The following RFX7 variants were observed in gnomAD, a reference collection of about 807,000 sequenced individuals.
RFX7 encodes DNA-binding protein RFX7.
A neutral mutation model predicts 111.8 loss-of-function variants in RFX7; 26 were observed. That is an observed-to-expected ratio of 0.23 (90% confidence interval 0.17 to 0.32). The LOEUF (loss-of-function observed/expected upper bound fraction) is 0.32. RFX7 is among the 10% of genes least tolerant of loss of function. The pLI is 1.00. For synonymous variants in RFX7, 624 were observed against 624.4 expected (o/e 1.00, Z 0.01); for missense variants, 1,573 against 1,772.9 (o/e 0.89, Z 2.02).
At position 56,139,409 on chromosome 15, in the gene RFX7, G is replaced by A. The variant is rs184715407; in HGVS notation, c.401+3369C>T. ...ACTCTTTCTTCCAGTTGATCGCATC[G>A]GCTCCTGAGGCTTCTGCATTCTTCA... On this transcript the variant is annotated intron_variant, in intron 5 of 9. Transcript: ENST00000559447. Among the ~76,000 whole-genome samples, 303 of 152,096 alleles carry A rather than the reference G, an allele frequency of 2.0e-3. 2 individuals carry two copies. Among genetic ancestry groups the A allele is most frequent in the African/African-American group, 6.2e-3 (255 of 41,452 alleles).
chr15:56,220,100 G>A (rs1389442173), intron 2 of RFX7, among the ~76,000 whole-genome samples: 2 of 151,982 alleles, frequency 1.3e-5, no homozygotes, highest in Non-Finnish European at 2.9e-5. Flanking sequence ...CTGACTAGAT[G>A]GTTTTGATTT....
intron 5 of RFX7, among the ~76,000 whole-genome samples, chr15:56,131,796 A>C (rs1414122287): frequency 6.6e-6 from 1 of 152,196 alleles, no homozygotes; most frequent in Admixed American, 6.5e-5. Context: ...AAGTCTATTA[A>C]ATGTAATAAC....
intron 5 of RFX7, among the ~76,000 whole-genome samples, chr15:56,104,157 A>G (rs756245046): frequency 1.3e-5 from 2 of 152,210 alleles, no homozygotes; most frequent in Admixed American, 6.5e-5. Flanking sequence ...CATTTTACTG[A>G]TAAGAGAAAA....
chr15:56,230,554 A>G (rs2043541381), intron 2 of RFX7, among the ~76,000 whole-genome samples: 1 of 152,270 alleles, frequency 6.6e-6, no homozygotes, highest in Non-Finnish European at 1.5e-5. Flanking sequence ...GCCTCTAAGA[A>G]TGCAGTAAAC....
At chr15:56,150,819 A>C (rs2042559172) in intron 3 of RFX7, among the ~76,000 whole-genome samples, 1 of 152,184 alleles carries the variant, frequency 6.6e-6, no homozygotes, top group South Asian at 2.1e-4. Context: ...AATAACCTTG[A>C]AAAAAGGTTA....
intron 2 of RFX7, among the ~76,000 whole-genome samples, chr15:56,219,131 A>C (rs1439646623): frequency 6.6e-6 from 1 of 152,196 alleles, no homozygotes; most frequent in Non-Finnish European, 1.5e-5. Flanking sequence ...CCTTTAGTTA[A>C]ATCAGTTCTT....
At chr15:56,153,213 G>C (rs542327226) in intron 3 of RFX7, among the ~76,000 whole-genome samples, 59 of 152,296 alleles carry the variant, frequency 3.9e-4, no homozygotes, top group Middle Eastern at 6.8e-3. Flanking sequence ...CATTTTATGA[G>C]GCCAGCATCA....
Position 56,234,345 on chromosome 15 carries a change from G to A in RFX7, c.161+8780C>T, listed in dbSNP as rs573872215. Among the ~76,000 whole-genome samples the A allele has an allele frequency of 7.9e-5, 12 of 152,158 alleles. No homozygotes were observed. In the South Asian group the frequency reaches 2.5e-3, roughly 32 times the overall value. On this transcript the variant is annotated intron_variant, in intron 2 of 9. Transcript: ENST00000559447. ...TTAAAACAAATGTGTACTGAATTCA[G>A]TTTTCCCTGACTACATGATTCTATA... is the stretch of plus-strand genomic sequence containing the variant.
chr15:56,237,232 C>T (rs1347068548), intron 2 of RFX7, among the ~76,000 whole-genome samples: 4 of 152,150 alleles, frequency 2.6e-5, no homozygotes, highest in Non-Finnish European at 5.9e-5. Context: ...CAGTGCATTA[C>T]CTTGACACTT....
chr15:56,222,514 ACTTGTTCATTTCTTTTTC>A (rs1243165764), intron 2 of RFX7, among the ~76,000 whole-genome samples: 13 of 152,018 alleles, frequency 8.6e-5, no homozygotes, highest in African/African-American at 3.1e-4. Flanking sequence ...AGTCACAGAG[ACTTGTTCATTTCTTTTTC>A]CTCTCCTTTT....
intron 3 of RFX7, among the ~76,000 whole-genome samples, chr15:56,160,452 C>T (rs1400685270): frequency 6.6e-6 from 1 of 151,466 alleles, no homozygotes; most frequent in South Asian, 2.1e-4. Flanking sequence ...GTTGAGTTAC[C>T]ATATATGGAG....
Position 56,092,345 on chromosome 15 carries a change from T to C in RFX7, c.*1000A>G, listed in dbSNP as rs2041606838. The C allele has an allele frequency of 6.6e-6, 1 of 152,512 alleles. No homozygotes were observed. The highest frequency in any genetic ancestry group is 2.4e-5 in the African/African-American group (1 of 41,432). The allele number at this position is 152,512 out of a possible 1,614,324, so 9.4% of individuals were successfully genotyped here. A position where few individuals can be genotyped will look rare whatever the true frequency, so the allele number is the denominator to read the frequency against. On this transcript the variant is annotated 3_prime_UTR_variant, in exon 10 of 10. Coordinates refer to ENST00000559447, the MANE Select transcript of RFX7 (RefSeq NM_022841.7). ...ATCCTATGATCAAACTACATTACTA[T>C]ATTCAGGAGGAGTGAGGGAGTCAGT...
intron 2 of RFX7, among the ~76,000 whole-genome samples, chr15:56,234,313 G>A (rs1482739340): frequency 6.6e-6 from 1 of 152,098 alleles, no homozygotes; most frequent in Non-Finnish European, 1.5e-5. Context: ...CTTGTATGTG[G>A]CAGTCATTAA....
chr15:56,211,180 G>A (rs1596011719), intron 2 of RFX7, among the ~76,000 whole-genome samples: 2 of 152,128 alleles, frequency 1.3e-5, no homozygotes, highest in East Asian at 1.9e-4. Context: ...GGGTTCACTG[G>A]TAAGTTCTAC....
chr15:56,153,511 C>A (rs2042605676), intron 3 of RFX7, among the ~76,000 whole-genome samples: 1 of 151,952 alleles, frequency 6.6e-6, no homozygotes, highest in Non-Finnish European at 1.5e-5. Flanking sequence ...TCCACATAAA[C>A]CCAATCCACA....
intron 3 of RFX7, among the ~76,000 whole-genome samples, chr15:56,155,920 A>G (rs2042646731): frequency 6.6e-6 from 1 of 152,084 alleles, no homozygotes; most frequent in Non-Finnish European, 1.5e-5. Context: ...TGGGCAAAAA[A>G]TGGTTTATAA....
chr15:56,206,994 C>T (rs1175506323), intron 2 of RFX7, among the ~76,000 whole-genome samples: 1 of 151,984 alleles, frequency 6.6e-6, no homozygotes, highest in Non-Finnish European at 1.5e-5. Context: ...TTAAAAATCA[C>T]TAAAGTATGA....
At chr15:56,155,017 T>C (rs1387457503) in intron 3 of RFX7, among the ~76,000 whole-genome samples, 1 of 151,940 alleles carries the variant, frequency 6.6e-6, no homozygotes, top group Admixed American at 6.6e-5. Context: ...CCAACAGACA[T>C]AGGAAAAATG....
chr15:56,181,497 C>G (rs1595991756), intron 2 of RFX7, among the ~76,000 whole-genome samples: 1 of 151,958 alleles, frequency 6.6e-6, no homozygotes, highest in African/African-American at 2.4e-5. Flanking sequence ...TGATAGCAGG[C>G]TTTGTCTGTT....
Sources: allele counts gnomAD v4.1 joint callset (sites outside exome capture counted in the v4.1 genomes callset), GRCh38; gene constraint gnomAD v4.1.1; transcripts MANE v1.5; gene names NCBI Gene and HGNC (gene_info 2026-07-23, HGNC 2026-07-21).